Variants in DDX60L observed in about 807,000 individuals in gnomAD.
The protein encoded by DDX60L is probable ATP-dependent RNA helicase DDX60-like.
Under a neutral mutation model 211.6 loss-of-function variants are expected in DDX60L, and 191 were observed. That is an observed-to-expected ratio of 0.90 (90% CI 0.80 to 1.02). The LOEUF (loss-of-function observed/expected upper bound fraction) is 1.02. Among genes scored for constraint, DDX60L ranks in the 50% least tolerant of loss-of-function variants. The pLI, the probability that DDX60L is intolerant of heterozygous loss-of-function variation, is 0.00. For missense variants in DDX60L, 2,007 were observed against 1,984.1 expected, an observed-to-expected ratio of 1.01 and a Z score of -0.22; for synonymous variants, 706 against 694.1, an observed-to-expected ratio of 1.02 and a Z score of -0.27.
intron 36 of DDX60L, among the ~76,000 whole-genome samples, chr4:168,361,792 C>T (rs2149590649): frequency 6.6e-6 from 1 of 152,316 alleles, no homozygotes; most frequent in African/African-American, 2.4e-5. Context: ...ACAAGAGAGT[C>T]TCCCAGTCCT....
chr4:168,359,660 T>G (rs1389570726), intron 37 of DDX60L, among the ~76,000 whole-genome samples: 1 of 152,218 alleles, frequency 6.6e-6, no homozygotes, highest in African/African-American at 2.4e-5. Context: ...CATAGATCTA[T>G]GTCGTACTCA....
chr4:168,446,253 C>T (rs958083619), intron 9 of DDX60L, among the ~76,000 whole-genome samples: 27 of 152,174 alleles, frequency 1.8e-4, no homozygotes, highest in Middle Eastern at 3.4e-3. Context: ...AACAGAGAGC[C>T]AAATCATGAG....
At chr4:168,389,232 C>T (rs1222291269) in intron 29 of DDX60L, among the ~76,000 whole-genome samples, 1 of 152,046 alleles carries the variant, frequency 6.6e-6, no homozygotes, top group Non-Finnish European at 1.5e-5. Flanking sequence ...GAGGACAACA[C>T]CTAGGAGCAG....
intron 24 of DDX60L, among the ~76,000 whole-genome samples, chr4:168,404,789 A>T (rs986235983): frequency 6.6e-6 from 1 of 152,190 alleles, no homozygotes. Context: ...AATTAACATT[A>T]AATTCCTTTA....
rs763804202 is a variant in DDX60L, at chr4:168,361,177, C to G, written c.4963G>C (p.Asp1655His). The G allele has an allele frequency of 5.6e-6, 9 of 1,608,602 alleles. No homozygotes were observed. Among genetic ancestry groups the G allele is most frequent in the Non-Finnish European group, 7.7e-6 (9 of 1,176,246 alleles). ...ATAGCCTGAATGTTGAATGCAAAAT[C>G]TTTCAAACACTTTAAAAGCTGTCCC... ...RMGQLLKCLK[D>H]FAFNIQAISD... Residue 1655 changes from aspartate (D) to histidine (H), a missense_variant, in exon 37 of 38, where the codon GAT becomes CAT. Physicochemically the swap from Asp to His is moderately conservative, Grantham distance 81. Transcript: ENST00000682922.
At chr4:168,437,049 T>C (rs915963961) in intron 10 of DDX60L, among the ~76,000 whole-genome samples, 1 of 152,164 alleles carries the variant, frequency 6.6e-6, no homozygotes, top group Non-Finnish European at 1.5e-5. Flanking sequence ...TACCATGCCA[T>C]GTGATTAACG....
rs966617380 is a variant in DDX60L, at chr4:168,463,911, A to T, written c.265-1871T>A. ...TGTAATTTTTAAAAACCATAGTATA[A>T]TACACTGTTGAGGATGTTTATATAG... On this transcript the variant is annotated intron_variant, in intron 4 of 37. Coordinates refer to ENST00000682922, the MANE Select transcript of DDX60L (RefSeq NM_001012967.3). Among the ~76,000 whole-genome samples, 4 of 152,350 alleles carry T rather than the reference A, an allele frequency of 2.6e-5. No individual in the cohort carries two copies. In the Middle Eastern group the frequency reaches 0.014, roughly 518 times the overall value.
At chr4:168,401,305 C>T (rs1746767453) in intron 25 of DDX60L, among the ~76,000 whole-genome samples, 1 of 152,240 alleles carries the variant, frequency 6.6e-6, no homozygotes, top group Non-Finnish European at 1.5e-5. Context: ...ATAACCCAGA[C>T]ATCCCTTTCT....
At chr4:168,477,211 C>A (rs185736022) in intron 1 of DDX60L, among the ~76,000 whole-genome samples, 11 of 152,026 alleles carry the variant, frequency 7.2e-5, no homozygotes, top group Admixed American at 3.3e-4. Context: ...GTCAGGAGAT[C>A]GAGACCATCC....
Position 168,433,107 on chromosome 4 carries a change from A to T in DDX60L, c.1303T>A (p.Leu435Met), listed in dbSNP as rs200461240. ...AAGCCCACACTAGGCATCTTTTCCA[A>T]GGAGATTTCTGAAAACAAATATAAA... Reference protein sequence around the residue: ...QEKSVIQEISLEKMPSVGFIP... With the variant: ...QEKSVIQEISMEKMPSVGFIP... The change falls in exon 11 of 38, where the codon TTG (leucine) becomes ATG (methionine). Residue 435 changes from leucine (L) to methionine (M), a missense_variant. By Grantham distance (15) the Leu-to-Met change is conservative. Transcript: ENST00000682922. The T allele has an allele frequency of 7.5e-6, 12 of 1,601,216 alleles. No individual in the cohort carries two copies. The highest frequency in any genetic ancestry group is 1.3e-5 in the African/African-American group (1 of 74,694).
At chr4:168,390,588 T>A in intron 29 of DDX60L, 4 of 938,924 alleles carry the variant, frequency 4.3e-6, no homozygotes, top group South Asian at 2.0e-5. Flanking sequence ...ATAAAATTTA[T>A]ATTTTATAAT....
At chr4:168,438,843 T>C (rs1433582513) in intron 10 of DDX60L, among the ~76,000 whole-genome samples, 1 of 152,242 alleles carries the variant, frequency 6.6e-6, no homozygotes, top group Non-Finnish European at 1.5e-5. Context: ...CTCTAATAGT[T>C]AGGGGTATTT....
chr4:168,390,628 G>T, intron 29 of DDX60L: 3 of 630,774 alleles, frequency 4.8e-6, no homozygotes, highest in Non-Finnish European at 6.9e-6. Flanking sequence ...ACTAGGCAAA[G>T]ATTATTGTCA....
At chr4:168,420,444 A>T in intron 17 of DDX60L, 64 bp from the exon 18 acceptor site, 2 of 1,413,392 alleles carry the variant, frequency 1.4e-6, no homozygotes, top group Non-Finnish European at 1.9e-6. Context: ...AACCTTGAGG[A>T]CAACCGAATC....
chr4:168,402,740 G>C (rs569933031), intron 25 of DDX60L, among the ~76,000 whole-genome samples: 29 of 152,226 alleles, frequency 1.9e-4, no homozygotes, highest in African/African-American at 5.8e-4. Flanking sequence ...CCAGATTAGG[G>C]AAGGGAAGTT....
In DDX60L at chr4:168,394,298, A is replaced by C. The variant is rs150316017; in HGVS notation, c.3810+167T>G. On this transcript the variant is annotated intron_variant, in intron 28 of 37. Coordinates refer to ENST00000682922, the MANE Select transcript of DDX60L (RefSeq NM_001012967.3). ...TTTTTCAACGTAGAAATAATTTTTAAACTCCTCTAATAAATGGGATAGATG... is the reference window on the plus strand; with the variant it reads ...TTTTTCAACGTAGAAATAATTTTTACACTCCTCTAATAAATGGGATAGATG... Among the ~76,000 whole-genome samples, 723 of 152,320 alleles carry C rather than the reference A, an allele frequency of 4.7e-3. 6 individuals are homozygous for C. Among genetic ancestry groups the C allele is most frequent in the African/African-American group, 0.017 (696 of 41,564 alleles).
chr4:168,426,859 C>G (rs937984503), intron 14 of DDX60L, among the ~76,000 whole-genome samples: 1 of 152,184 alleles, frequency 6.6e-6, no homozygotes, highest in Non-Finnish European at 1.5e-5. Context: ...AATGTGCCAT[C>G]TTTTCCCTGT....
At chr4:168,454,019 T>C (rs1299138054) in intron 7 of DDX60L, among the ~76,000 whole-genome samples, 1 of 152,170 alleles carries the variant, frequency 6.6e-6, no homozygotes, top group Non-Finnish European at 1.5e-5. Context: ...GCAAATTAAA[T>C]TAATCAATAT....
chr4:168,421,640 G>C (rs1294449218), intron 17 of DDX60L, 120 bp downstream of exon 17: 1 of 1,378,806 alleles, frequency 7.3e-7, no homozygotes, highest in African/African-American at 1.4e-5. Flanking sequence ...GAGTGACAGA[G>C]CAAGACTCTG....
Sources: gnomAD v4.1 joint callset for allele counts (sites outside exome capture counted in the v4.1 genomes callset) on GRCh38, gnomAD v4.1.1 for gene constraint, MANE v1.5 for transcripts, NCBI Gene and HGNC (gene_info 2026-07-23, HGNC 2026-07-21) for gene names.